Variants in MINDY3 observed in about 807,000 individuals in gnomAD.
The protein encoded by MINDY3 is ubiquitin carboxyl-terminal hydrolase MINDY-3.
Under a neutral mutation model 69.2 loss-of-function variants are expected in MINDY3, and 38 were observed. The ratio of observed to expected loss-of-function variants is 0.55; its 90% confidence interval spans 0.42 to 0.72. The LOEUF is 0.72. MINDY3 is among the 30% of genes least tolerant of loss of function. The pLI, the probability that MINDY3 is intolerant of heterozygous loss-of-function variation, is 0.00. For missense variants in MINDY3, 522 were observed against 519.0 expected, an observed-to-expected ratio of 1.01 and a Z score of -0.06; for synonymous variants, 192 against 180.1, an observed-to-expected ratio of 1.07 and a Z score of -0.53.
chr10:15,813,112 G>T (rs1489123492), intron 10 of MINDY3, among the ~76,000 whole-genome samples: 1 of 152,074 alleles, frequency 6.6e-6, no homozygotes, highest in Non-Finnish European at 1.5e-5. Context: ...ATTTAATCCT[G>T]TTCCCTTCCT....
intron 1 of MINDY3, among the ~76,000 whole-genome samples, chr10:15,859,434 T>C (rs1248268487): frequency 1.3e-5 from 2 of 152,174 alleles, no homozygotes; most frequent in South Asian, 2.1e-4. Flanking sequence ...TGTTTGCCTA[T>C]CCAAACTTAA....
chr10:15,829,547 G>A (rs1228340829), intron 8 of MINDY3, among the ~76,000 whole-genome samples: 5 of 152,186 alleles, frequency 3.3e-5, no homozygotes, highest in Non-Finnish European at 5.9e-5. Context: ...GGTTGAGTAC[G>A]AACACAGAGG....
intron 5 of MINDY3, 84 bp downstream of exon 5, chr10:15,838,144 T>C (rs1588626964): frequency 7.1e-7 from 1 of 1,407,824 alleles, no homozygotes; most frequent in East Asian, 2.6e-5. Context: ...TATGTAAAAC[T>C]AAGAACCTTT....
chr10:15,830,396 G>C (rs1218606733), intron 8 of MINDY3, among the ~76,000 whole-genome samples: 1 of 152,224 alleles, frequency 6.6e-6, no homozygotes, highest in Non-Finnish European at 1.5e-5. Context: ...GGATGAGAAA[G>C]AGGCACTGAG....
At chr10:15,816,101 T>C (rs960103769) in intron 10 of MINDY3, among the ~76,000 whole-genome samples, 1 of 151,582 alleles carries the variant, frequency 6.6e-6, no homozygotes, top group African/African-American at 2.4e-5. Flanking sequence ...CTGTCTCTAC[T>C]AAAAACACAA....
intron 6 of MINDY3, 109 bp downstream of exon 6, chr10:15,837,095 A>C (rs185821019): frequency 6.4e-6 from 4 of 621,382 alleles, no homozygotes; most frequent in Non-Finnish European, 1.1e-5. Flanking sequence ...AAAGATTTTT[A>C]TTCTAAGAAT....
chr10:15,782,093 C>T (rs7912258), intron 14 of MINDY3, 62 bp downstream of exon 14: 82,589 of 1,172,224 alleles, frequency 0.07, 12,670 homozygotes, highest in African/African-American at 0.58. Context: ...AACATTGTTA[C>T]ATACTCACAT....
chr10:15,858,907 G>A (rs886430641), intron 1 of MINDY3, among the ~76,000 whole-genome samples: 1 of 152,022 alleles, frequency 6.6e-6, no homozygotes, highest in African/African-American at 2.4e-5. Flanking sequence ...AGAAGCCCAA[G>A]ATTAGGTAAC....
chr10:15,855,655 C>T (rs1162865291), intron 1 of MINDY3, among the ~76,000 whole-genome samples: 1 of 152,114 alleles, frequency 6.6e-6, no homozygotes, highest in African/African-American at 2.4e-5. Flanking sequence ...ATATTACTTA[C>T]TATACATATA....
chr10:15,851,605 C>T (rs904584018), intron 1 of MINDY3, among the ~76,000 whole-genome samples: 3 of 152,028 alleles, frequency 2.0e-5, no homozygotes, highest in Non-Finnish European at 4.4e-5. Context: ...GTATCTTTAA[C>T]GTGTCCATTT....
chr10:15,833,511 A>C, intron 8 of MINDY3, 119 bp downstream of exon 8: 1 of 573,770 alleles, frequency 1.7e-6, no homozygotes, highest in Non-Finnish European at 3.0e-6. Flanking sequence ...GGATTCTTCT[A>C]TTAGAAAACA....
At chr10:15,838,313 T>C (rs763110444) in intron 4 of MINDY3, 34 bp from the exon 5 acceptor site, 1 of 1,554,404 alleles carries the variant, frequency 6.4e-7, no homozygotes, top group South Asian at 1.2e-5. Context: ...GCACTACACA[T>C]GGCAAATAAA....
chr10:15,818,395 T>TA (rs1839523067), intron 9 of MINDY3, among the ~76,000 whole-genome samples: 1 of 151,556 alleles, frequency 6.6e-6, no homozygotes, highest in Non-Finnish European at 1.5e-5. Flanking sequence ...TTTGTAATAG[T>TA]AAAAATATAT....
chr10:15,800,447 G>A (rs1242313499), intron 10 of MINDY3, among the ~76,000 whole-genome samples: 1 of 152,124 alleles, frequency 6.6e-6, no homozygotes, highest in African/African-American at 2.4e-5. Context: ...GTGAGCTTGT[G>A]TTGTATCTGC....
intron 7 of MINDY3, among the ~76,000 whole-genome samples, chr10:15,834,047 G>A (rs1471595917): frequency 6.6e-6 from 1 of 151,796 alleles, no homozygotes; most frequent in Non-Finnish European, 1.5e-5. Flanking sequence ...TGTCTTTGAT[G>A]AAAGATACAT....
chr10:15,827,095 T>C (rs535154301), intron 8 of MINDY3, among the ~76,000 whole-genome samples: 25 of 141,370 alleles, frequency 1.8e-4, no homozygotes, highest in Middle Eastern at 3.9e-3. Context: ...ATGGCCTGGG[T>C]GACAGAGCGA....
chr10:15,844,642 T>C (rs1194618492), intron 2 of MINDY3, among the ~76,000 whole-genome samples: 1 of 152,178 alleles, frequency 6.6e-6, no homozygotes, highest in Non-Finnish European at 1.5e-5. Context: ...ATACAACTTT[T>C]TCCATATTAA....
chr10:15,796,216 G>T, intron 10 of MINDY3, 44 bp from the exon 11 acceptor site: 1 of 1,507,790 alleles, frequency 6.6e-7, no homozygotes, highest in South Asian at 1.1e-5. Context: ...ACAGTATTAT[G>T]ACATTAAAAA....
intron 3 of MINDY3, 41 bp from the exon 4 acceptor site, chr10:15,841,640 G>GA (rs111629424): frequency 0.03 from 31,329 of 1,055,422 alleles, 6 homozygotes; most frequent in South Asian, 0.034. Flanking sequence ...GTTTCCTCTG[G>GA]AAAAAAAAAA....
Sources: allele counts gnomAD v4.1 joint callset (sites outside exome capture counted in the v4.1 genomes callset), GRCh38; gene constraint gnomAD v4.1.1; transcripts MANE v1.5; gene names NCBI Gene and HGNC (gene_info 2026-07-23, HGNC 2026-07-21).